PLTP: variants seen among roughly 807,000 people sequenced by gnomAD.
The protein encoded by PLTP is BPI fold containing family E.
A neutral mutation model predicts 54.1 loss-of-function variants in PLTP; 43 were observed. The ratio of observed to expected loss-of-function variants is 0.79; its 90% CI spans 0.62 to 1.02. The LOEUF (loss-of-function observed/expected upper bound fraction) is 1.02, where lower values mean the gene tolerates loss of function less well. PLTP is among the 50% of genes least tolerant of loss of function. PLTP has a pLI of 0.00. For missense variants in PLTP, 604 were observed against 645.9 expected (o/e 0.94, Z 0.70); for synonymous variants, 263 against 264.6 (o/e 0.99, Z 0.06).
In PLTP at chr20:45,899,558, G is replaced by T. The variant is rs548237398; in HGVS notation, c.1283-20C>A. 1 of 1,614,028 alleles carries T rather than the reference G, an allele frequency of 6.2e-7. No individual in the cohort carries two copies. The highest frequency in any genetic ancestry group is 8.5e-7 in the Non-Finnish European group (1 of 1,179,920). On this transcript the variant is annotated intron_variant, in intron 14 of 15. Transcript: ENST00000372431. ...TCCGCTCTGTGGGTGGGAGCACCCC[G>T]CTCAGTCTGGGCCCGCCCAGTTCAC...
intron 7 of PLTP, among the ~76,000 whole-genome samples, chr20:45,906,603 G>A (rs1345659059): frequency 6.6e-6 from 1 of 151,994 alleles, no homozygotes; most frequent in Non-Finnish European, 1.5e-5. Flanking sequence ...AAGATGGCAT[G>A]GGGGGGCCGC....
Position 45,902,299 on chromosome 20 carries a change from C to G in PLTP, c.1143G>C (p.Gly381=), listed in dbSNP as rs771235614. ...GGTCCAGCTGCGTGCGCAGGGCCTT[C>G]CCCCGGAGAGCCATCTTGGCGCTGA... ...ARLSAKMALR[G]KALRTQLDLR... is the part of the protein sequence containing the mutation. The change falls in exon 12 of 16, where the codon GGG becomes GGC. Residue 381 remains glycine, a synonymous_variant. Transcript: ENST00000372431. The G allele has an allele frequency of 1.2e-6, 2 of 1,614,112 alleles. No individual in the cohort carries two copies. The highest frequency in any genetic ancestry group is 2.2e-5 in the South Asian group (2 of 91,088).
intron 7 of PLTP, 131 bp downstream of exon 7, chr20:45,907,561 A>G: frequency 1.2e-6 from 1 of 860,790 alleles, no homozygotes; most frequent in Non-Finnish European, 1.9e-6. Flanking sequence ...ACTTCACCCA[A>G]AATCGCACAA....
intron 12 of PLTP, among the ~76,000 whole-genome samples, chr20:45,901,675 G>T (rs1253420357): frequency 6.6e-6 from 1 of 152,070 alleles, no homozygotes; most frequent in Admixed American, 6.6e-5. Flanking sequence ...GCCGGGGCAG[G>T]TGAATCACCT....
chr20:45,910,823 C>A (rs993259192), intron 3 of PLTP: 6 of 1,245,598 alleles, frequency 4.8e-6, no homozygotes, highest in East Asian at 4.6e-5. Flanking sequence ...AACTCCACCC[C>A]GTGCCCGAGA....
chr20:45,899,722 A>C (rs1180874801), intron 13 of PLTP, 37 bp from the exon 14 acceptor site: 1 of 1,613,408 alleles, frequency 6.2e-7, no homozygotes, highest in Non-Finnish European at 8.5e-7. Context: ...GCAGTGAGTC[A>C]GGGTTGGGTT....
chr20:45,907,952 C>G, intron 5 of PLTP, 48 bp from the exon 6 acceptor site: 4 of 1,491,100 alleles, frequency 2.7e-6, no homozygotes, highest in Non-Finnish European at 3.7e-6. Flanking sequence ...GCCTCCACCC[C>G]AGTCCAGGTC....
rs760077699 is a variant in PLTP, at chr20:45,899,645, A to T, written c.1259T>A (p.Ile420Asn). Reference sequence around the variant, plus strand: ...ACCATTGAGCATGGGCATCACCCCAATCTGCAGCATGGTCTTCAGAGGGGC... The same window carrying T: ...ACCATTGAGCATGGGCATCACCCCATTCTGCAGCATGGTCTTCAGAGGGGC... ...LQAPLKTMLQ[I>N]GVMPMLNERT... is the part of the protein sequence containing the mutation. The change falls in exon 14 of 16, where the codon ATT becomes AAT. Residue 420 changes from isoleucine (I) to asparagine (N), a missense_variant. Physicochemically the swap from Ile to Asn is moderately radical, Grantham distance 149. Coordinates refer to ENST00000372431, the MANE Select transcript of PLTP (RefSeq NM_006227.4). 11 of 1,613,460 alleles carry T rather than the reference A, an allele frequency of 6.8e-6. No homozygotes were observed. In the Admixed American group the frequency reaches 1.8e-4, roughly 27 times the overall value.
chr20:45,909,863 A>G lies in PLTP; in HGVS notation c.329+79T>C, dbSNP rs904710144. On this transcript the variant is annotated intron_variant, in intron 4 of 15. Transcript: ENST00000372431. ...AAGAAACGGAAACTCAGGAAGGCTA[A>G]GGGGGCTGCCCACAGCCCCACAGCA... 1.8e-5 allele frequency: 28 copies of G among 1,546,752 alleles called. No homozygotes were observed. In the African/African-American group the frequency reaches 3.1e-4, roughly 17 times the overall value.
chr20:45,911,085 A>T, intron 3 of PLTP, 67 bp downstream of exon 3: 4 of 1,610,554 alleles, frequency 2.5e-6, no homozygotes, highest in Non-Finnish European at 3.4e-6. Context: ...AGACCCTGAG[A>T]TTTCTCGGGC....
intron 1 of PLTP, 147 bp from the exon 2 acceptor site, chr20:45,911,610 G>A: frequency 1.8e-6 from 2 of 1,097,406 alleles, no homozygotes; most frequent in Non-Finnish European, 2.6e-6. Context: ...CCTCCATATG[G>A]CAGATGTGGA....
In PLTP at chr20:45,899,873, C is replaced by G. The variant is rs1338522186; in HGVS notation, c.1181G>C (p.Arg394Pro). 1 of 1,349,970 alleles carries G rather than the reference C, an allele frequency of 7.4e-7. No homozygotes were observed. The highest frequency in any genetic ancestry group is 2.6e-5 in the Admixed American group (1 of 38,540). 83.6% of individuals were successfully genotyped at this position (1,349,970 alleles called of 1,614,324 possible). Residue 394 changes from arginine to proline, a missense_variant, in exon 13 of 16, where the codon CGA becomes CCA. Transcript: ENST00000372431. The part of the protein sequence containing the change: ...LRTQLDLRRF[R>P]IYSNHSALES... ...CAGTGCAGAATGGTTGGAATAGATTCGGAACCTGCGGGAAAGAAAGGAGCC... is the reference window on the plus strand; with the variant it reads ...CAGTGCAGAATGGTTGGAATAGATTGGGAACCTGCGGGAAAGAAAGGAGCC...
intron 12 of PLTP, among the ~76,000 whole-genome samples, chr20:45,901,325 C>T (rs1037395006): frequency 7.2e-5 from 11 of 152,128 alleles, no homozygotes; most frequent in Non-Finnish European, 1.2e-4. Flanking sequence ...GGGCTGGGTG[C>T]GGTGGCTCAC....
Position 45,899,517 on chromosome 20 carries a change from T to A in PLTP, c.1304A>T (p.Gln435Leu), listed in dbSNP as rs778840136. 3.1e-6 allele frequency: 5 copies of A among 1,614,148 alleles called. No individual in the cohort carries two copies. In the East Asian group the frequency reaches 1.1e-4, roughly 36 times the overall value. The change falls in exon 15 of 16, where the codon CAG (glutamine) becomes CTG (leucine). Residue 435 changes from glutamine to leucine, a missense_variant. By Grantham distance (113) the Gln-to-Leu change is moderately radical. Transcript: ENST00000372431. ...GTTGATGCCCTCAGGTAGTGGGATCTGCACCCCACGCCAGGTCCGCTCTGT... is the reference window on the plus strand; with the variant it reads ...GTTGATGCCCTCAGGTAGTGGGATCAGCACCCCACGCCAGGTCCGCTCTGT... ...MLNERTWRGV[Q>L]IPLPEGINFV...
Position 45,902,484 on chromosome 20 carries a change from C to T in PLTP, c.1063G>A (p.Val355Ile). The T allele has an allele frequency of 1.2e-6, 2 of 1,614,212 alleles. No individual in the cohort carries two copies. The highest frequency in any genetic ancestry group is 1.7e-6 in the Non-Finnish European group (2 of 1,180,024). The change falls in exon 11 of 16, where the codon GTC (valine) becomes ATC (isoleucine). Residue 355 changes from valine (V) to isoleucine (I), a missense_variant. By Grantham distance (29) the Val-to-Ile change is conservative. Coordinates refer to ENST00000372431, the MANE Select transcript of PLTP (RefSeq NM_006227.4). ...SVTASVTIAL[V>I]PPDQPEVQLS... Reference sequence around the variant, plus strand: ...TGGACCTCAGGCTGGTCTGGTGGGACCAGGGCAATGGTGACGCTAGCAGTG... The same window carrying T: ...TGGACCTCAGGCTGGTCTGGTGGGATCAGGGCAATGGTGACGCTAGCAGTG...
At chr20:45,911,491 T>C (rs1190654691) in intron 1 of PLTP, 28 bp from the exon 2 acceptor site, 1 of 1,599,388 alleles carries the variant, frequency 6.3e-7, no homozygotes, top group African/African-American at 1.3e-5. Context: ...TCGCAGGAGT[T>C]ATCTGAGCCG....
At position 45,910,070 on chromosome 20, in the gene PLTP, C is replaced by T. The variant is rs954634779; in HGVS notation, c.201G>A (p.Glu67=). 1.2e-6 allele frequency: 2 copies of T among 1,613,742 alleles called. No homozygotes were observed. Among genetic ancestry groups the T allele is most frequent in the African/African-American group, 1.3e-5 (1 of 74,914 alleles). ...TCAGTTGCAGCTCTGTGACCTTCAC[C>T]CTACAGGAGGCCTCAGGGTCAGATC... ...KEGHFYYNIS[E]VKVTELQLTS... The change falls in exon 4 of 16, where the codon GAG becomes GAA. Residue 67 remains glutamate (E), a splice_region_variant and synonymous_variant. Coordinates refer to ENST00000372431, the MANE Select transcript of PLTP (RefSeq NM_006227.4).
rs965921687 is a variant in PLTP, at chr20:45,906,127, T to C, written c.705+141A>G. 1.3e-5 allele frequency: 9 copies of C among 717,928 alleles called. No individual in the cohort carries two copies. The African/African-American group carries it at 1.6e-4, about 13-fold the overall frequency. The allele number at this position is 717,928 out of a possible 1,614,324, so 44.5% of individuals were successfully genotyped here. On this transcript the variant is annotated intron_variant, in intron 8 of 15. Coordinates refer to ENST00000372431, the MANE Select transcript of PLTP (RefSeq NM_006227.4). ...ACCCAGGAGGCTGAACCTAATTCTG[T>C]AGTAACAGGGAGCCATAGCATTCTC...
At chr20:45,906,706 C>T (rs2083241954) in intron 7 of PLTP, among the ~76,000 whole-genome samples, 1 of 151,168 alleles carries the variant, frequency 6.6e-6, no homozygotes, top group Non-Finnish European at 1.5e-5. Context: ...CCTGGTCCAC[C>T]ACGGTGAAAC....
Sources: gnomAD v4.1 joint callset for allele counts (sites outside exome capture counted in the v4.1 genomes callset) on GRCh38, gnomAD v4.1.1 for gene constraint, MANE v1.5 for transcripts, NCBI Gene and HGNC (gene_info 2026-07-23, HGNC 2026-07-21) for gene names.